GPC5: variants seen among roughly 807,000 people sequenced by gnomAD.
GPC5 encodes glypican-5.
GPC5 carries 47 observed loss-of-function variants against 53.9 expected under a neutral mutation model. The observed-to-expected ratio is 0.87, with a 90% CI of 0.69 to 1.11. GPC5 has a LOEUF of 1.11. Ranked by LOEUF, GPC5 falls within the 50% of genes most tolerant of loss-of-function variation. GPC5 has a pLI of 0.00. For missense variants in GPC5, 748 were observed against 713.1 expected (o/e 1.05, Z -0.56); for synonymous variants, 286 against 263.3 (o/e 1.09, Z -0.84).
chr13:91,538,886 GC>G (rs1413018916), intron 2 of GPC5, among the ~76,000 whole-genome samples: 1 of 148,586 alleles, frequency 6.7e-6, no homozygotes, highest in African/African-American at 2.5e-5. Flanking sequence ...ACCGTGCCCA[GC>G]CCCATTGCAA....
chr13:92,385,779 A>G (rs1422744729), intron 7 of GPC5, among the ~76,000 whole-genome samples: 5 of 27,306 alleles, frequency 1.8e-4, no homozygotes, highest in African/African-American at 8.5e-4. Flanking sequence ...ATATATACAT[A>G]TATGTATATA....
intron 3 of GPC5, among the ~76,000 whole-genome samples, chr13:91,715,162 C>T (rs1394077265): frequency 6.6e-6 from 1 of 152,186 alleles, no homozygotes; most frequent in Non-Finnish European, 1.5e-5. Context: ...GGTAAACTGA[C>T]ATGGCACACT....
At chr13:91,911,361 T>C (rs190623425) in intron 6 of GPC5, among the ~76,000 whole-genome samples, 37 of 152,080 alleles carry the variant, frequency 2.4e-4, no homozygotes, top group Admixed American at 2.2e-3. Context: ...CTGGCCAATA[T>C]GGTGAAACCC....
chr13:92,448,961 C>G (rs1360604494), intron 7 of GPC5: 1 of 122,698 alleles, frequency 8.2e-6, no homozygotes, highest in Non-Finnish European at 1.7e-5. Context: ...AGGTCTATAA[C>G]TTGTAAGAAT....
chr13:92,645,799 T>C (rs1157635737), intron 7 of GPC5, among the ~76,000 whole-genome samples: 1 of 152,150 alleles, frequency 6.6e-6, no homozygotes, highest in African/African-American at 2.4e-5. Flanking sequence ...CATTTTTTTA[T>C]TTGTCATCGC....
At chr13:91,931,799 T>G (rs1385153983) in intron 6 of GPC5, among the ~76,000 whole-genome samples, 1 of 152,018 alleles carries the variant, frequency 6.6e-6, no homozygotes, top group African/African-American at 2.4e-5. Context: ...TCGTGGCACT[T>G]CACCTCAGAG....
At chr13:91,775,972 G>A (rs772192525) in intron 5 of GPC5, among the ~76,000 whole-genome samples, 5 of 152,164 alleles carry the variant, frequency 3.3e-5, no homozygotes, top group African/African-American at 4.8e-5. Flanking sequence ...CAAGTGCATC[G>A]TTGTGTCTGC....
At chr13:91,745,573 G>C (rs1015919925) in intron 4 of GPC5, among the ~76,000 whole-genome samples, 1 of 151,978 alleles carries the variant, frequency 6.6e-6, no homozygotes, top group South Asian at 2.1e-4. Flanking sequence ...TCATGTGAGG[G>C]AGATGACTTC....
At chr13:92,609,199 T>C (rs1011059873) in intron 7 of GPC5, among the ~76,000 whole-genome samples, 2 of 152,166 alleles carry the variant, frequency 1.3e-5, no homozygotes, top group African/African-American at 4.8e-5. Flanking sequence ...TGCCAAATCT[T>C]TGAAACCCTA....
At chr13:92,422,132 AT>A (rs5805742) in intron 7 of GPC5, among the ~76,000 whole-genome samples, 46,331 of 150,836 alleles carry the variant, frequency 0.31, 8,060 homozygotes, top group East Asian at 0.61. Context: ...TCTTGCCACC[AT>A]TTTTTTTCAA....
chr13:92,343,658 A>G (rs1034125518), intron 7 of GPC5, among the ~76,000 whole-genome samples: 1 of 152,082 alleles, frequency 6.6e-6, no homozygotes, highest in African/African-American at 2.4e-5. Context: ...TTTTTATAAA[A>G]TTAAATTTTC....
rs141240403 is a variant in GPC5 at position 92,512,224 on chromosome 13, T to C, written c.1562-354058T>C. ...TGATCCTAGTAATTTTTTTTTATTTTGTAGATTGTATGTGTGTGTGTGTGT... is the reference window on the plus strand; with the variant it reads ...TGATCCTAGTAATTTTTTTTTATTTCGTAGATTGTATGTGTGTGTGTGTGT... On this transcript the variant is annotated intron_variant, in intron 7 of 7. Transcript: ENST00000377067. Among the ~76,000 whole-genome samples, 626 of 142,360 alleles carry C rather than the reference T, an allele frequency of 4.4e-3. 6 individuals carry two copies. Among genetic ancestry groups the C allele is most frequent in the African/African-American group, 0.015 (601 of 39,442 alleles). The allele number at this position is 142,360 out of a possible 152,430, so 93.4% of individuals were successfully genotyped here. A position where few individuals can be genotyped will look rare whatever the true frequency, so the allele number is the denominator to read the frequency against.
chr13:92,835,802 A>G (rs1878199462), intron 7 of GPC5, among the ~76,000 whole-genome samples: 1 of 152,028 alleles, frequency 6.6e-6, no homozygotes, highest in Non-Finnish European at 1.5e-5. Flanking sequence ...CAACATCTTC[A>G]CCAGAAATAA....
chr13:92,500,204 A>C (rs948463569), intron 7 of GPC5, among the ~76,000 whole-genome samples: 1 of 152,110 alleles, frequency 6.6e-6, no homozygotes, highest in African/African-American at 2.4e-5. Flanking sequence ...TCCGTCCCAC[A>C]GACCCTGACC....
intron 2 of GPC5, among the ~76,000 whole-genome samples, chr13:91,528,863 C>A (rs1886207399): frequency 6.6e-6 from 1 of 152,132 alleles, no homozygotes; most frequent in South Asian, 2.1e-4. Context: ...GGAGCAACTG[C>A]CACTTGTAAA....
At chr13:91,974,986 C>T (rs2040284473) in intron 6 of GPC5, among the ~76,000 whole-genome samples, 1 of 152,172 alleles carries the variant, frequency 6.6e-6, no homozygotes, top group Non-Finnish European at 1.5e-5. Context: ...ACCATCTGAT[C>T]TCTCACAAAC....
intron 7 of GPC5, among the ~76,000 whole-genome samples, chr13:92,333,824 C>G (rs1321148564): frequency 6.6e-6 from 1 of 152,022 alleles, no homozygotes. Context: ...TTGGAATTTT[C>G]AGACTGGGAA....
chr13:92,125,285 C>G (rs1379064480), intron 6 of GPC5, among the ~76,000 whole-genome samples: 1 of 152,156 alleles, frequency 6.6e-6, no homozygotes, highest in Admixed American at 6.5e-5. Context: ...CACAGCTAAT[C>G]CACATCTGGA....
intron 7 of GPC5, among the ~76,000 whole-genome samples, chr13:92,442,837 C>A (rs1485457668): frequency 6.6e-6 from 1 of 152,106 alleles, no homozygotes; most frequent in Non-Finnish European, 1.5e-5. Context: ...ACAATATGAC[C>A]ACATCACAAT....
Sources: gnomAD v4.1 joint callset for allele counts (sites outside exome capture counted in the v4.1 genomes callset) on GRCh38, gnomAD v4.1.1 for gene constraint, MANE v1.5 for transcripts, NCBI Gene and HGNC (gene_info 2026-07-23, HGNC 2026-07-21) for gene names.